MUC3A: variants seen among roughly 807,000 people sequenced by gnomAD.
MUC3A encodes mucin 3A, cell surface associated, also known as mucin-3A.
In MUC3A, 109 loss-of-function variants were observed where a neutral mutation model predicts 109.0. The ratio of observed to expected loss-of-function variants is 1.00; its 90% CI spans 0.86 to 1.17. MUC3A has a LOEUF of 1.17. Ranked by LOEUF, MUC3A falls within the 50% of genes most tolerant of loss-of-function variation. The pLI, the probability that MUC3A is intolerant of heterozygous loss-of-function variation, is 0.00. For synonymous variants in MUC3A, 1,398 were observed against 981.4 expected (o/e 1.42, Z -7.93); for missense variants, 3,537 against 2,469.4 (o/e 1.43, Z -9.16).
Position 100,959,985 on chromosome 7 carries a change from T to G in MUC3A, c.8206T>G (p.Ser2736Ala), listed in dbSNP as rs926838070. 6 of 1,507,782 alleles carry G rather than the reference T, an allele frequency of 4.0e-6. No individual in the cohort carries two copies. The African/African-American group carries it at 8.4e-5, about 21-fold the overall frequency. The allele number at this position is 1,507,782 out of a possible 1,614,324, so 93.4% of individuals were successfully genotyped here. ...SITGFPSLSS[S>A]ATTSTSSTSS... ...CACAGGCTTTCCTAGTCTCTCTTCC[T>G]CTGCAACTACCAGCACTTCTTCAAC... The change falls in exon 2 of 12, where the codon TCT becomes GCT. Residue 2736 changes from serine (S) to alanine (A), a missense_variant. By Grantham distance (99) the Ser-to-Ala change is moderately conservative. Transcript: ENST00000379458.
chr7:100,963,691 C>G lies in MUC3A; in HGVS notation c.9172C>G (p.Gln3058Glu). 1 of 1,598,488 alleles carries G rather than the reference C, an allele frequency of 6.3e-7. No individual in the cohort carries two copies. The highest frequency in any genetic ancestry group is 1.1e-5 in the South Asian group (1 of 91,082). The change falls in exon 5 of 12, where the codon CAG becomes GAG. Residue 3058 changes from glutamine (Q) to glutamate (E), a missense_variant. Transcript: ENST00000379458. ...CCAGGGATCCTTGGTGTTTCAGATGCAGAAGATTTTTGCAGACATGCAGGG... is the reference window on the plus strand; with the variant it reads ...CCAGGGATCCTTGGTGTTTCAGATGGAGAAGATTTTTGCAGACATGCAGGG... The part of the protein sequence containing the change: ...DFNKTFWNQM[Q>E]KIFADMQGFT...
rs1792078718 is a variant in MUC3A, at chr7:100,955,688, T to A, written c.3909T>A (p.Thr1303=). The A allele has an allele frequency of 7.1e-6, 3 of 424,600 alleles. No individual in the cohort carries two copies. The highest frequency in any genetic ancestry group is 4.2e-5 in the Admixed American group (1 of 23,850). The allele number at this position is 424,600 out of a possible 1,614,324, so 26.3% of individuals were successfully genotyped here. A position where few individuals can be genotyped will look rare whatever the true frequency, so the allele number is the denominator to read the frequency against. The change falls in exon 2 of 12, where the codon ACT becomes ACA. Residue 1303 remains threonine (T), a synonymous_variant. Coordinates refer to ENST00000379458, the MANE Select transcript of MUC3A (RefSeq NM_005960.2). ...GTGCAGGGACCACTCACACAGAGACTATTTCCTCACTTCCAGCCAGCACCA... is the reference window on the plus strand; with the variant it reads ...GTGCAGGGACCACTCACACAGAGACAATTTCCTCACTTCCAGCCAGCACCA... ...ASSAGTTHTE[T]ISSLPASTNT...
chr7:100,965,782 T>C lies in MUC3A; in HGVS notation c.9527T>C (p.Val3176Ala), dbSNP rs1792512753. The C allele has an allele frequency of 6.3e-7, 1 of 1,597,896 alleles. No homozygotes were observed. The highest frequency in any genetic ancestry group is 1.3e-5 in the African/African-American group (1 of 74,956). ...PLVEATRLRC[V>A]TKCTSGVDNA... ...GTGGAGGCCACCCGGCTCCGCTGTG[T>C]CACCAAATGCACGTCGGGGGTGGAC... Residue 3176 changes from valine (V) to alanine (A), a missense_variant, in exon 8 of 12, where the codon GTC (valine) becomes GCC (alanine). Transcript: ENST00000379458.
In MUC3A at chr7:100,952,632, T is replaced by C. The variant is rs765127369; in HGVS notation, c.853T>C (p.Leu285=). Residue 285 remains leucine, a synonymous_variant, in exon 2 of 12, where the codon TTG becomes CTG. Transcript: ENST00000379458. ...CTCCCAGCCCACAGCCACTAATACA[T>C]TGTCATCACCCACTAGGACCATTTT... ...TASQPTATNT[L]SSPTRTILSS... is the part of the protein sequence containing the mutation. 4.4e-5 allele frequency: 70 copies of C among 1,598,470 alleles called. No individual in the cohort carries two copies. Among genetic ancestry groups the C allele is most frequent in the South Asian group, 5.5e-5 (5 of 91,096 alleles).
intron 7 of MUC3A, 95 bp downstream of exon 7, chr7:100,965,442 C>CT (rs139602002): frequency 0.12 from 182,163 of 1,468,782 alleles, no homozygotes; most frequent in South Asian, 0.26. Context: ...AGGGAGAGAC[C>CT]TTTGGGGGAG....
chr7:100,964,098 C>G (rs1486580900), intron 5 of MUC3A: 1 of 474,512 alleles, frequency 2.1e-6, no homozygotes, highest in Admixed American at 3.6e-5. Flanking sequence ...AGGGAGAGAA[C>G]GCACGTCTAG....
Position 100,953,494 on chromosome 7 carries a change from C to T in MUC3A, c.1715C>T (p.Pro572Leu). ...ACAACAGCTGAATCCACCCTGGCAC[C>T]CACTACCACCACCTCATTCACAACT... ...LHTTAESTLA[P>L]TTTTSFTTST... Residue 572 changes from proline to leucine, a missense_variant, in exon 2 of 12, where the codon CCC (proline) becomes CTC (leucine). Coordinates refer to ENST00000379458, the MANE Select transcript of MUC3A (RefSeq NM_005960.2). 9.9e-6 allele frequency: 4 copies of T among 405,044 alleles called. No homozygotes were observed. The Admixed American group carries it at 1.8e-4, about 19-fold the overall frequency. 25.1% of individuals were successfully genotyped at this position (405,044 alleles called of 1,614,324 possible).
At position 100,952,053 on chromosome 7, in the gene MUC3A, C is replaced by A; in HGVS notation, c.274C>A (p.Leu92Ile). The A allele has an allele frequency of 6.3e-7, 1 of 1,598,684 alleles. No homozygotes were observed. Among genetic ancestry groups the A allele is most frequent in the Non-Finnish European group, 8.5e-7 (1 of 1,179,812 alleles). Reference sequence around the variant, plus strand: ...TGACACACTCATCTCTGAAACATTGCTCAACTCTCCAGTCAGTTCCAACAC... The same window carrying A: ...TGACACACTCATCTCTGAAACATTGATCAACTCTCCAGTCAGTTCCAACAC... ...PHDTLISETL[L>I]NSPVSSNTST... The change falls in exon 2 of 12, where the codon CTC becomes ATC. Residue 92 changes from leucine to isoleucine, a missense_variant. Physicochemically the swap from Leu to Ile is conservative, Grantham distance 5 (BLOSUM62 2). Transcript: ENST00000379458.
rs779337570 is a variant in MUC3A, at chr7:100,959,279, C to G, written c.7500C>G (p.Ser2500Arg). Residue 2500 changes from serine (S) to arginine (R), a missense_variant, in exon 2 of 12, where the codon AGC (serine) becomes AGG (arginine). Transcript: ENST00000379458. ...TCACCCCTTCGTCTGTGGGCACCAGCACTTCATTGACTACAACCACAGACT... is the reference window on the plus strand; with the variant it reads ...TCACCCCTTCGTCTGTGGGCACCAGGACTTCATTGACTACAACCACAGACT... ...RTLTPSSVGT[S>R]TSLTTTTDFP... The G allele has an allele frequency of 4.4e-6, 7 of 1,590,144 alleles. No homozygotes were observed. The highest frequency in any genetic ancestry group is 1.1e-5 in the South Asian group (1 of 89,528).
At chr7:100,966,269 A>T (rs76336512) in intron 8 of MUC3A, 117 bp from the exon 9 acceptor site, 85 of 982,816 alleles carry the variant, frequency 8.6e-5, no homozygotes, top group Middle Eastern at 3.6e-4. Context: ...CTAGGGTGGA[A>T]CCCCCCGCTG....
At position 100,959,647 on chromosome 7, in the gene MUC3A, T is replaced by C. The variant is rs1563069097; in HGVS notation, c.7868T>C (p.Ile2623Thr). The C allele has an allele frequency of 1.3e-6, 2 of 1,598,526 alleles. No homozygotes were observed. The highest frequency in any genetic ancestry group is 1.7e-6 in the Non-Finnish European group (2 of 1,179,800). The change falls in exon 2 of 12, where the codon ATC (isoleucine) becomes ACC (threonine). Residue 2623 changes from isoleucine to threonine, a missense_variant. Physicochemically the swap from Ile to Thr is moderately conservative, Grantham distance 89. Transcript: ENST00000379458. Reference protein sequence around the residue: ...TLTPSTALSTIVSTSQVPIPS... With the variant: ...TLTPSTALSTTVSTSQVPIPS... Reference sequence around the variant, plus strand: ...ACTCCATCAACAGCCTTGAGCACGATCGTGTCAACATCACAGGTTCCTATT... The same window carrying C: ...ACTCCATCAACAGCCTTGAGCACGACCGTGTCAACATCACAGGTTCCTATT...
In MUC3A at chr7:100,959,470, G is replaced by A. The variant is rs377752629; in HGVS notation, c.7691G>A (p.Ser2564Asn). ...TLRITENTPI[S>N]SFSTSIVVIP... ...AGAATTACTGAGAACACCCCAATCA[G>A]TTCCTTTAGCACAAGTATTGTTGTT... Residue 2564 changes from serine (S) to asparagine (N), a missense_variant, in exon 2 of 12, where the codon AGT (serine) becomes AAT (asparagine). Ser to Asn is a conservative substitution (Grantham distance 46). Coordinates refer to ENST00000379458, the MANE Select transcript of MUC3A (RefSeq NM_005960.2). 18 of 1,575,610 alleles carry A rather than the reference G, an allele frequency of 1.1e-5. No homozygotes were observed. In the African/African-American group the frequency reaches 2.3e-4, roughly 20 times the overall value.
At chr7:100,965,658 A>C (rs1356883374) in intron 7 of MUC3A, 46 bp from the exon 8 acceptor site, 14 of 1,570,650 alleles carry the variant, frequency 8.9e-6, no homozygotes, top group Non-Finnish European at 1.2e-5. Context: ...CCTGAATAGA[A>C]TGGATGAGGT....
rs1278301048 is a variant in MUC3A, at chr7:100,963,736, G to T, written c.9217G>T (p.Glu3073Ter). 1.3e-6 allele frequency: 2 copies of T among 1,598,564 alleles called. No individual in the cohort carries two copies. Among genetic ancestry groups the T allele is most frequent in the Admixed American group, 3.3e-5 (2 of 60,034 alleles). The change falls in exon 5 of 12, where the codon GAG (glutamate) becomes TAG (stop). Residue 3073 changes from glutamate to a stop codon, truncating the protein, a stop_gained. Transcript: ENST00000379458. LOFTEE classifies it high-confidence loss of function. ...DMQGFTFKGV[E>*]ILSLRNGSIV... ...GCAGGGCTTCACCTTCAAGGGTGTG[G>T]AGATCCTGTCCCTGAGGTAGGAGAC... is the stretch of plus-strand genomic sequence containing the variant.
intron 4 of MUC3A, 37 bp downstream of exon 4, chr7:100,963,303 T>TTTTTGA (rs1554459579): frequency 4.4e-5 from 61 of 1,392,722 alleles, no homozygotes; most frequent in Non-Finnish European, 4.7e-5. Context: ...TTTTTTTTTT[T>TTTTTGA]GAGGTGTAGT....
At chr7:100,965,929 TG>T in intron 8 of MUC3A, 63 bp downstream of exon 8, 3 of 1,530,018 alleles carry the variant, frequency 2.0e-6, no homozygotes, top group Admixed American at 1.9e-5. Flanking sequence ...GATGAAGCCC[TG>T]CCCCATGCTC....
At chr7:100,963,941 A>G in intron 5 of MUC3A, 189 bp downstream of exon 5, 1 of 792,956 alleles carries the variant, frequency 1.3e-6, no homozygotes, top group Non-Finnish European at 2.0e-6. Flanking sequence ...GAGGGGTGGC[A>G]CCTCTCTTCT....
intron 3 of MUC3A, among the ~76,000 whole-genome samples, chr7:100,961,645 T>C (rs941453998): frequency 3.3e-4 from 46 of 137,774 alleles, no homozygotes; most frequent in Non-Finnish European, 5.7e-4. Flanking sequence ...CTGGCCAACA[T>C]GGTGAAACTG....
Position 100,955,774 on chromosome 7 carries a change from C to T in MUC3A, c.3995C>T (p.Thr1332Ile), listed in dbSNP as rs956704604. Residue 1332 changes from threonine (T) to isoleucine (I), a missense_variant, in exon 2 of 12, where the codon ACA (threonine) becomes ATA (isoleucine). Thr to Ile is a moderately conservative substitution (Grantham distance 89). Coordinates refer to ENST00000379458, the MANE Select transcript of MUC3A (RefSeq NM_005960.2). ...LAPTTTTSFT[T>I]SPTMEPPSTT... ...CCCACTACCACCACCTCATTCACCACATCCCCAACGATGGAACCACCTTCA... is the reference window on the plus strand; with the variant it reads ...CCCACTACCACCACCTCATTCACCATATCCCCAACGATGGAACCACCTTCA... 2.0e-4 allele frequency: 84 copies of T among 419,578 alleles called. 1 individual carries two copies. Among genetic ancestry groups the T allele is most frequent in the Non-Finnish European group, 2.9e-4 (71 of 240,996 alleles). 26.0% of individuals were successfully genotyped at this position (419,578 alleles called of 1,614,324 possible).
Sources: gnomAD v4.1 joint callset for allele counts (sites outside exome capture counted in the v4.1 genomes callset) on GRCh38, gnomAD v4.1.1 for gene constraint, MANE v1.5 for transcripts, NCBI Gene and HGNC (gene_info 2026-07-23, HGNC 2026-07-21) for gene names.